SEC23A: variants seen among roughly 807,000 people sequenced by gnomAD.
The protein encoded by SEC23A is SEC23 homolog A, COPII component, also known as protein transport protein Sec23A.
In SEC23A, 56 loss-of-function variants were observed where a neutral mutation model predicts 103.7. The observed-to-expected ratio is 0.54, with a 90% CI of 0.44 to 0.67. The LOEUF (loss-of-function observed/expected upper bound fraction) is 0.67. Among genes scored for constraint, SEC23A ranks in the 30% least tolerant of loss-of-function variants. The pLI, the probability that SEC23A is intolerant of heterozygous loss-of-function variation, is 0.00. For synonymous variants in SEC23A, 281 were observed against 293.0 expected (o/e 0.96, Z 0.42); for missense variants, 784 against 936.4 (o/e 0.84, Z 2.12).
chr14:39,037,012 T>C (rs1300537301), intron 19 of SEC23A, among the ~76,000 whole-genome samples: 6 of 152,126 alleles, frequency 3.9e-5, no homozygotes, highest in Non-Finnish European at 7.4e-5. Flanking sequence ...TCTTCTTCCT[T>C]CTATAAAGTC....
At chr14:39,047,448 T>C (rs747094141) in intron 15 of SEC23A, 43 of 1,272,534 alleles carry the variant, frequency 3.4e-5, no homozygotes, top group Non-Finnish European at 4.1e-5. Flanking sequence ...TCTGTAAGCA[T>C]GGAGTTTCTG....
chr14:39,060,653 T>C (rs1446385136), intron 13 of SEC23A, among the ~76,000 whole-genome samples: 1 of 152,240 alleles, frequency 6.6e-6, no homozygotes, highest in Non-Finnish European at 1.5e-5. Flanking sequence ...TTTTGTTTTA[T>C]ACTTCACAAA....
chr14:39,044,526 TA>T (rs1394377394), intron 16 of SEC23A, among the ~76,000 whole-genome samples: 1 of 152,162 alleles, frequency 6.6e-6, no homozygotes, highest in Admixed American at 6.5e-5. Flanking sequence ...ATTCTCTTTA[TA>T]TTGACCTTAC....
Position 39,093,194 on chromosome 14 carries a change from CT to C in SEC23A, c.271del (p.Arg91GlyfsTer14). 6.2e-7 allele frequency: 1 copy of C among 1,612,558 alleles called. No individual in the cohort carries two copies. ...KLWACNFCYQRNQFPPSYAGI... is the reference protein window; with the variant it reads ...KLWACNFCYQXNQFPPSYAGI... ...CAATGGATGTTTTCTTACCTGATTC[CT>C]TTGGTAACAAAAGTTGCAAGCCCAA... On this transcript the variant is annotated frameshift_variant, in exon 3 of 20. Transcript: ENST00000307712. LOFTEE classifies it high-confidence loss of function.
At chr14:39,074,775 G>A (rs1314259855) in intron 8 of SEC23A, among the ~76,000 whole-genome samples, 1 of 152,120 alleles carries the variant, frequency 6.6e-6, no homozygotes, top group Non-Finnish European at 1.5e-5. Context: ...CTTAAAGAAA[G>A]TCCTATTGCA....
intron 2 of SEC23A, among the ~76,000 whole-genome samples, chr14:39,093,893 A>C (rs1368061775): frequency 6.6e-6 from 1 of 152,198 alleles, no homozygotes; most frequent in Non-Finnish European, 1.5e-5. Context: ...AAATATATTT[A>C]CTGAATGCCT....
intron 12 of SEC23A, 42 bp downstream of exon 12, chr14:39,063,282 T>G (rs1336478127): frequency 1.7e-6 from 2 of 1,151,142 alleles, no homozygotes; most frequent in African/African-American, 3.0e-5. Flanking sequence ...CTTATTCAAA[T>G]GTACGTTGTA....
At chr14:39,061,417 T>C (rs1207510308) in intron 13 of SEC23A, among the ~76,000 whole-genome samples, 2 of 151,986 alleles carry the variant, frequency 1.3e-5, no homozygotes, top group East Asian at 1.9e-4. Flanking sequence ...AATTGAAAAG[T>C]AATGTGATTA....
At chr14:39,093,858 C>T (rs1372691915) in intron 2 of SEC23A, among the ~76,000 whole-genome samples, 1 of 151,946 alleles carries the variant, frequency 6.6e-6, no homozygotes, top group African/African-American at 2.4e-5. Context: ...TACACTCAGA[C>T]CTAGAAAACA....
rs1444560433 is a variant in SEC23A at position 39,040,808 on chromosome 14, AC to A, written c.2065del (p.Val689TrpfsTer68). The A allele has an allele frequency of 6.2e-7, 1 of 1,614,152 alleles. No homozygotes were observed. Among genetic ancestry groups the A allele is most frequent in the African/African-American group, 1.3e-5 (1 of 75,022 alleles). ...ENFRHLLQAPVDDAQEILHSR... is the reference protein window; with the variant it reads ...ENFRHLLQAPXDDAQEILHSR... ...GTGAAGAATTTCCTGTGCATCATCC[AC>A]TGGGGCTTGCAGAAGGTGGCGGAAA... On this transcript the variant is annotated frameshift_variant, in exon 18 of 20. Coordinates refer to ENST00000307712, the MANE Select transcript of SEC23A (RefSeq NM_006364.4). LOFTEE classifies it high-confidence loss of function.
chr14:39,063,944 C>T (rs531281128), intron 11 of SEC23A, among the ~76,000 whole-genome samples: 4 of 151,822 alleles, frequency 2.6e-5, no homozygotes, highest in East Asian at 1.9e-4. Flanking sequence ...TGCAGTGAGC[C>T]GAGAAGGCGC....
chr14:39,090,388 T>C (rs1284835311), intron 5 of SEC23A, among the ~76,000 whole-genome samples: 1 of 152,106 alleles, frequency 6.6e-6, no homozygotes, highest in Non-Finnish European at 1.5e-5. Flanking sequence ...TACTCTCTTA[T>C]GGACTATCAA....
At chr14:39,045,413 T>C (rs1885795950) in intron 15 of SEC23A, 89 bp from the exon 16 acceptor site, 2 of 911,336 alleles carry the variant, frequency 2.2e-6, no homozygotes, top group African/African-American at 1.7e-5. Flanking sequence ...TTACAAACTA[T>C]TAACAACATA....
intron 11 of SEC23A, chr14:39,064,639 C>T (rs1886594995): frequency 4.8e-6 from 2 of 413,462 alleles, no homozygotes; most frequent in Non-Finnish European, 9.0e-6. Flanking sequence ...GGGAGCTGAA[C>T]TACCTAAAAC....
At chr14:39,044,280 G>A (rs534482056) in intron 16 of SEC23A, among the ~76,000 whole-genome samples, 54 of 152,042 alleles carry the variant, frequency 3.6e-4, no homozygotes, top group African/African-American at 1.1e-3. Flanking sequence ...CTACATGCAC[G>A]TTATTACTCA....
chr14:39,063,500 GAA>G (rs530578446), intron 11 of SEC23A, 87 bp from the exon 12 acceptor site: 10 of 732,688 alleles, frequency 1.4e-5, no homozygotes, highest in East Asian at 3.0e-5. Context: ...AAGACCACAG[GAA>G]AAAAAAAAGT....
chr14:39,065,041 A>G, intron 10 of SEC23A, 48 bp from the exon 11 acceptor site: 1 of 1,219,590 alleles, frequency 8.2e-7, no homozygotes, highest in Admixed American at 1.7e-5. Context: ...AGATACGTTC[A>G]AATGTTCAAC....
intron 3 of SEC23A, 68 bp from the exon 4 acceptor site, chr14:39,092,695 CAA>C: frequency 1.2e-6 from 1 of 866,224 alleles, no homozygotes; most frequent in Non-Finnish European, 1.9e-6. Context: ...AAATTTTAAA[CAA>C]AGTATTTCCT....
chr14:39,040,664 G>C, intron 18 of SEC23A, 68 bp downstream of exon 18: 1 of 1,583,202 alleles, frequency 6.3e-7, no homozygotes, highest in South Asian at 1.1e-5. Flanking sequence ...AAAATCAGAA[G>C]GCAAGCAGGT....
Sources: allele counts gnomAD v4.1 joint callset (sites outside exome capture counted in the v4.1 genomes callset), GRCh38; gene constraint gnomAD v4.1.1; transcripts MANE v1.5; gene names NCBI Gene and HGNC (gene_info 2026-07-23, HGNC 2026-07-21).